Variants in MGAT5 observed in about 807,000 individuals in gnomAD.
MGAT5 encodes the protein alpha-1,6-mannosylglycoprotein 6-beta-N-acetylglucosaminyltransferase.
In MGAT5, 30 loss-of-function variants were observed where a neutral mutation model predicts 94.3. The ratio of observed to expected loss-of-function variants is 0.32; its 90% CI spans 0.24 to 0.43. The LOEUF (loss-of-function observed/expected upper bound fraction) is 0.43. Ranked by LOEUF, MGAT5 falls within the 20% of genes least tolerant of loss-of-function variation. The pLI is 1.00. For missense variants in MGAT5, 691 were observed against 905.5 expected, an observed-to-expected ratio of 0.76 and a Z score of 3.04; for synonymous variants, 310 against 322.9, an observed-to-expected ratio of 0.96 and a Z score of 0.43.
chr2:134,303,005 G>A (rs1005802740), intron 2 of MGAT5, among the ~76,000 whole-genome samples: 8 of 151,968 alleles, frequency 5.3e-5, no homozygotes, highest in Non-Finnish European at 7.4e-5. Flanking sequence ...TTATTTCTTC[G>A]AATATTTTTT....
At chr2:134,130,256 C>CGCCCCACACT (rs1558947575) in intron 1 of MGAT5, among the ~76,000 whole-genome samples, 12 of 150,886 alleles carry the variant, frequency 8.0e-5, no homozygotes, top group African/African-American at 2.2e-4. Context: ...CGCCCCACAC[C>CGCCCCACACT]GCCCCACACC....
In MGAT5 at chr2:134,353,436, A is replaced by G. The variant is rs181104332; in HGVS notation, c.1246+3498A>G. Reference sequence around the variant, plus strand: ...ACGATGTTTAGTATACAAAAAGAGGAGAGTACCTAAAGATTCTAGATTCCG... The same window carrying G: ...ACGATGTTTAGTATACAAAAAGAGGGGAGTACCTAAAGATTCTAGATTCCG... On this transcript the variant is annotated intron_variant, in intron 9 of 15. Transcript: ENST00000281923. Among the ~76,000 whole-genome samples, 10 of 152,326 alleles carry G rather than the reference A, an allele frequency of 6.6e-5. No homozygotes were observed. In the East Asian group the frequency reaches 1.9e-3, roughly 29 times the overall value.
chr2:134,443,961 GC>G (rs1685633814), intron 15 of MGAT5, among the ~76,000 whole-genome samples: 1 of 152,180 alleles, frequency 6.6e-6, no homozygotes, highest in Admixed American at 6.5e-5. Flanking sequence ...AGTGCTCTTG[GC>G]CCAGGGACTG....
chr2:134,401,738 T>C (rs1278495558), intron 10 of MGAT5, among the ~76,000 whole-genome samples: 1 of 152,232 alleles, frequency 6.6e-6, no homozygotes, highest in African/African-American at 2.4e-5. Context: ...ATTTTATTCA[T>C]ACATTAGGGT....
chr2:134,240,292 T>G (rs1459865671), intron 1 of MGAT5, among the ~76,000 whole-genome samples: 1 of 152,008 alleles, frequency 6.6e-6, no homozygotes, highest in Non-Finnish European at 1.5e-5. Context: ...GTGATTCCCA[T>G]CTGGTGGCTC....
chr2:134,141,474 G>A (rs1686653374), intron 1 of MGAT5, among the ~76,000 whole-genome samples: 1 of 142,242 alleles, frequency 7.0e-6, no homozygotes, highest in Non-Finnish European at 1.5e-5. Flanking sequence ...ATGGGTAAGT[G>A]GATGGATAGA....
Position 134,387,301 on chromosome 2 carries a change from GATATATATATATAT to G in MGAT5, c.1381-15668_1381-15655del, listed in dbSNP as rs1553458949. 3.1e-4 allele frequency among the ~76,000 whole-genome samples: 13 copies of G among 42,612 alleles called. No individual in the cohort carries two copies. In the South Asian group the frequency reaches 4.1e-3, roughly 14 times the overall value. 28.0% of individuals were successfully genotyped at this position (42,612 alleles called of 152,430 possible). ...AAATAAAAAATAAAAAGTTATGTAT[GATATATATATATAT>G]ATATATATATATATATATTTTTTTT... is the stretch of plus-strand genomic sequence containing the variant. On this transcript the variant is annotated intron_variant, in intron 10 of 15. Transcript: ENST00000281923.
intron 4 of MGAT5, among the ~76,000 whole-genome samples, chr2:134,331,442 TCTC>T (rs1687968557): frequency 6.6e-6 from 1 of 152,128 alleles, no homozygotes; most frequent in Non-Finnish European, 1.5e-5. Flanking sequence ...GAGGAATGCT[TCTC>T]CTCAATCGAT....
chr2:134,257,836 C>CTCTTT (rs1683070353), intron 1 of MGAT5, among the ~76,000 whole-genome samples: 1 of 106,414 alleles, frequency 9.4e-6, no homozygotes, highest in African/African-American at 3.7e-5. Context: ...TTTGCAGTCT[C>CTCTTT]TTTTTTTTTT....
At chr2:134,205,893 C>T (rs2105302512) in intron 1 of MGAT5, among the ~76,000 whole-genome samples, 2 of 152,172 alleles carry the variant, frequency 1.3e-5, no homozygotes, top group Middle Eastern at 6.8e-3. Flanking sequence ...AAATAGAAAT[C>T]CCTGCAGAGA....
chr2:134,292,366 A>G (rs1685420143), intron 2 of MGAT5, among the ~76,000 whole-genome samples: 1 of 152,136 alleles, frequency 6.6e-6, no homozygotes, highest in Non-Finnish European at 1.5e-5. Flanking sequence ...CCTCTTCTGG[A>G]GGAGGTCAGT....
At chr2:134,345,122 G>T in intron 8 of MGAT5, 58 bp downstream of exon 8, 2 of 1,564,334 alleles carry the variant, frequency 1.3e-6, no homozygotes, top group Non-Finnish European at 1.7e-6. Flanking sequence ...AACAAAGGTT[G>T]CATGGTTGTG....
At chr2:134,299,348 A>G (rs1685881647) in intron 2 of MGAT5, among the ~76,000 whole-genome samples, 1 of 152,202 alleles carries the variant, frequency 6.6e-6, no homozygotes, top group South Asian at 2.1e-4. Context: ...TAAAAATTTT[A>G]TAGGTGTTCA....
At position 134,289,447 on chromosome 2, in the gene MGAT5, C is replaced by T. The variant is rs149678778; in HGVS notation, c.406+18897C>T. On this transcript the variant is annotated intron_variant, in intron 2 of 15. Transcript: ENST00000281923. The stretch of plus-strand genomic sequence containing the variant: ...GTCTCCCATGTGCTACCTGAGTCAG[C>T]GGAACACTGTGTGTTGTGTGCATGT... Among the ~76,000 whole-genome samples the T allele has an allele frequency of 8.5e-5, 13 of 152,288 alleles. No individual in the cohort carries two copies. The East Asian group carries it at 2.1e-3, about 25-fold the overall frequency.
At chr2:134,191,847 C>A (rs372765991) in intron 1 of MGAT5, among the ~76,000 whole-genome samples, 1 of 150,048 alleles carries the variant, frequency 6.7e-6, no homozygotes, top group Non-Finnish European at 1.5e-5. Context: ...GCGCCCTCCT[C>A]CTCCTGCTCG....
chr2:134,391,462 G>T (rs923719545), intron 10 of MGAT5, among the ~76,000 whole-genome samples: 1 of 152,210 alleles, frequency 6.6e-6, no homozygotes, highest in African/African-American at 2.4e-5. Flanking sequence ...GAGGCTGAAA[G>T]TCTGAGATCA....
intron 4 of MGAT5, among the ~76,000 whole-genome samples, chr2:134,328,549 GAA>G (rs557322338): frequency 5.3e-5 from 8 of 152,194 alleles, no homozygotes; most frequent in Middle Eastern, 3.4e-3. Flanking sequence ...CGCGTAAGTG[GAA>G]AAGAGTATCA....
At chr2:134,337,205 C>A (rs1309183742) in intron 5 of MGAT5, among the ~76,000 whole-genome samples, 2 of 152,120 alleles carry the variant, frequency 1.3e-5, no homozygotes, top group Non-Finnish European at 2.9e-5. Flanking sequence ...CTGGATGTGG[C>A]GGCTCATGCC....
intron 2 of MGAT5, among the ~76,000 whole-genome samples, chr2:134,291,623 T>G (rs1044507380): frequency 6.6e-6 from 1 of 152,112 alleles, no homozygotes; most frequent in Non-Finnish European, 1.5e-5. Flanking sequence ...AGAAGTTCCT[T>G]AGCACGTTCA....
Sources: gnomAD v4.1 joint callset for allele counts (sites outside exome capture counted in the v4.1 genomes callset) on GRCh38, gnomAD v4.1.1 for gene constraint, MANE v1.5 for transcripts, NCBI Gene and HGNC (gene_info 2026-07-23, HGNC 2026-07-21) for gene names.